Variants in MBD5 observed in about 807,000 individuals in gnomAD.
The protein encoded by MBD5 is methyl-CpG-binding domain protein 5.
In MBD5, 13 loss-of-function variants were observed where a neutral mutation model predicts 117.3. The ratio of observed to expected loss-of-function variants is 0.11; its 90% CI spans 0.07 to 0.18. The LOEUF (loss-of-function observed/expected upper bound fraction) is 0.18, where lower values mean the gene tolerates loss of function less well. MBD5 is among the 10% of genes least tolerant of loss of function. The pLI is 1.00. For missense variants in MBD5, 1,879 were observed against 2,093.8 expected, an observed-to-expected ratio of 0.90 and a Z score of 2.00; for synonymous variants, 727 against 766.4, an observed-to-expected ratio of 0.95 and a Z score of 0.85.
At chr2:148,087,197 A>G (rs916858683) in intron 1 of MBD5, among the ~76,000 whole-genome samples, 1 of 152,200 alleles carries the variant, frequency 6.6e-6, no homozygotes, top group Admixed American at 6.5e-5. Flanking sequence ...AGGCTGCTGC[A>G]AATTCTGTGA....
intron 1 of MBD5, among the ~76,000 whole-genome samples, chr2:148,079,988 G>C (rs1163480910): frequency 6.6e-6 from 1 of 152,152 alleles, no homozygotes; most frequent in Non-Finnish European, 1.5e-5. Flanking sequence ...GATGTTAATA[G>C]ATTCTAATTT....
Position 148,021,617 on chromosome 2 carries a change from C to G in MBD5, c.-992C>G, listed in dbSNP as rs543189912. On this transcript the variant is annotated 5_prime_UTR_variant, in exon 1 of 14. Transcript: ENST00000642680. ...TCGCCTCCTCCTCCTCCACTCCCCC[C>G]CTTTATTACCCTTTGTGTCATCCTC... 1.7e-5 allele frequency: 8 copies of G among 465,400 alleles called. No homozygotes were observed. The highest frequency in any genetic ancestry group is 1.4e-4 in the Admixed American group (6 of 41,706). 28.8% of individuals were successfully genotyped at this position (465,400 alleles called of 1,614,324 possible).
chr2:148,385,926 C>T (rs939950173), intron 4 of MBD5, among the ~76,000 whole-genome samples: 59 of 129,918 alleles, frequency 4.5e-4, no homozygotes, highest in African/African-American at 1.6e-3. Flanking sequence ...CACATGGACA[C>T]GGTAAGGGGA....
intron 1 of MBD5, among the ~76,000 whole-genome samples, chr2:148,166,669 G>A (rs553865936): frequency 6.6e-6 from 1 of 152,178 alleles, no homozygotes; most frequent in East Asian, 1.9e-4. Flanking sequence ...TCACATGAGG[G>A]TACTTCTCCA....
intron 2 of MBD5, among the ~76,000 whole-genome samples, chr2:148,209,616 A>T (rs2106001087): frequency 6.6e-6 from 1 of 152,040 alleles, no homozygotes; most frequent in Non-Finnish European, 1.5e-5. Flanking sequence ...GCATTGCTAT[A>T]ACGGAATAAT....
intron 4 of MBD5, among the ~76,000 whole-genome samples, chr2:148,355,629 A>G (rs901729699): frequency 6.6e-6 from 1 of 151,956 alleles, no homozygotes; most frequent in Non-Finnish European, 1.5e-5. Flanking sequence ...GTTCTGTTCC[A>G]TTGGTCTATA....
intron 4 of MBD5, among the ~76,000 whole-genome samples, chr2:148,450,221 A>G (rs1706687012): frequency 6.6e-6 from 1 of 152,160 alleles, no homozygotes; most frequent in African/African-American, 2.4e-5. Context: ...TATGGTTATA[A>G]TCTCCATTTT....
rs1463500532 is a variant in MBD5, at chr2:148,345,388, T to TAC, written c.-557+3054_-557+3055dup. Among the ~76,000 whole-genome samples, 854 of 137,656 alleles carry TAC rather than the reference T, an allele frequency of 6.2e-3. 9 individuals are homozygous for TAC. Among genetic ancestry groups the TAC allele is most frequent in the Non-Finnish European group, 0.01 (641 of 62,558 alleles). The allele number at this position is 137,656 out of a possible 152,430, so 90.3% of individuals were successfully genotyped here. The stretch of plus-strand genomic sequence containing the variant: ...ATATACATATACACATATACACATA[T>TAC]ACATATACATATATACACATATACA... On this transcript the variant is annotated intron_variant, in intron 4 of 13. Coordinates refer to ENST00000642680, the MANE Select transcript of MBD5 (RefSeq NM_001378120.1).
At position 148,516,222 on chromosome 2, in the gene MBD5, T is replaced by G. The variant is rs1040492861; in HGVS notation, c.*3281T>G. The G allele has an allele frequency of 6.6e-6, 1 of 152,220 alleles. No individual in the cohort carries two copies. Among genetic ancestry groups the G allele is most frequent in the African/African-American group, 2.4e-5 (1 of 41,450 alleles). 9.4% of individuals were successfully genotyped at this position (152,220 alleles called of 1,614,324 possible). A position where few individuals can be genotyped will look rare whatever the true frequency, so the allele number is the denominator to read the frequency against. On this transcript the variant is annotated 3_prime_UTR_variant, in exon 14 of 14. Coordinates refer to ENST00000642680, the MANE Select transcript of MBD5 (RefSeq NM_001378120.1). ...ACCATGATAGCACATTGTTGTTAAC[T>G]TTGGTAATCTTCCATGCAGTTTGCA...
At chr2:148,457,881 G>A (rs1258066284) in intron 4 of MBD5, among the ~76,000 whole-genome samples, 1 of 152,074 alleles carries the variant, frequency 6.6e-6, no homozygotes, top group Non-Finnish European at 1.5e-5. Flanking sequence ...AGAAGTGATG[G>A]ATATATTTTT....
In MBD5 at chr2:148,233,415, T is replaced by C. The variant is rs1012158374; in HGVS notation, c.-680+20T>C. 6.6e-6 allele frequency: 1 copy of C among 152,246 alleles called. No homozygotes were observed. The highest frequency in any genetic ancestry group is 6.5e-5 in the Admixed American group (1 of 15,282). 9.4% of individuals were successfully genotyped at this position (152,246 alleles called of 1,614,324 possible). A position where few individuals can be genotyped will look rare whatever the true frequency, so the allele number is the denominator to read the frequency against. ...TTGGAGGCAAGCAATGAAATATTTCTACTATGAGTTTTCTGTTATTAATCA... is the reference window on the plus strand; with the variant it reads ...TTGGAGGCAAGCAATGAAATATTTCCACTATGAGTTTTCTGTTATTAATCA... On this transcript the variant is annotated intron_variant, in intron 3 of 13. Transcript: ENST00000642680.
intron 4 of MBD5, among the ~76,000 whole-genome samples, chr2:148,385,251 T>C (rs557189558): frequency 6.6e-6 from 1 of 151,866 alleles, no homozygotes; most frequent in Non-Finnish European, 1.5e-5. Flanking sequence ...TACAATGAAC[T>C]CAAACAAATT....
intron 3 of MBD5, among the ~76,000 whole-genome samples, chr2:148,277,974 G>T (rs12472437): frequency 0.94 from 143,590 of 152,270 alleles, 68,236 homozygotes; most frequent in East Asian, 1. Flanking sequence ...CACATTCATT[G>T]AACCACCACC....
At chr2:148,051,571 G>T (rs1694702178) in intron 1 of MBD5, among the ~76,000 whole-genome samples, 1 of 150,620 alleles carries the variant, frequency 6.6e-6, no homozygotes, top group Non-Finnish European at 1.5e-5. Context: ...TGTTCTGTCA[G>T]GCTGAGGAAA....
intron 4 of MBD5, among the ~76,000 whole-genome samples, chr2:148,457,550 T>A (rs1392208113): frequency 6.6e-6 from 1 of 152,038 alleles, no homozygotes; most frequent in African/African-American, 2.4e-5. Flanking sequence ...AGCTAGTATG[T>A]CCTCCTCAAA....
At chr2:148,456,757 A>G (rs1260399916) in intron 4 of MBD5, among the ~76,000 whole-genome samples, 1 of 151,938 alleles carries the variant, frequency 6.6e-6, no homozygotes, top group African/African-American at 2.4e-5. Context: ...AATTTTTGAT[A>G]TTTTCCCCAT....
At position 148,513,169 on chromosome 2, in the gene MBD5, G is replaced by T; in HGVS notation, c.*228G>T. The T allele has an allele frequency of 1.9e-6, 1 of 527,410 alleles. No individual in the cohort carries two copies. Among genetic ancestry groups the T allele is most frequent in the Non-Finnish European group, 3.4e-6 (1 of 295,630 alleles). The allele number at this position is 527,410 out of a possible 1,614,324, so 32.7% of individuals were successfully genotyped here. Reference sequence around the variant, plus strand: ...TCTCTGTGTGATGAGAGTGATCAATGGTCAAGAGATTACTGAGAAACTCTT... The same window carrying T: ...TCTCTGTGTGATGAGAGTGATCAATTGTCAAGAGATTACTGAGAAACTCTT... On this transcript the variant is annotated 3_prime_UTR_variant, in exon 14 of 14. Transcript: ENST00000642680.
chr2:148,148,774 T>C (rs1457640718), intron 1 of MBD5, among the ~76,000 whole-genome samples: 1 of 152,186 alleles, frequency 6.6e-6, no homozygotes, highest in Non-Finnish European at 1.5e-5. Flanking sequence ...ACATTTTCCT[T>C]GTGCACCAGT....
At chr2:148,225,222 TG>T (rs781522805) in intron 2 of MBD5, among the ~76,000 whole-genome samples, 28 of 152,184 alleles carry the variant, frequency 1.8e-4, no homozygotes, top group Non-Finnish European at 3.8e-4. Context: ...TATGTTTTTT[TG>T]GTTTGAGGTT....
Sources: gnomAD v4.1 joint callset for allele counts (sites outside exome capture counted in the v4.1 genomes callset) on GRCh38, gnomAD v4.1.1 for gene constraint, MANE v1.5 for transcripts, NCBI Gene and HGNC (gene_info 2026-07-23, HGNC 2026-07-21) for gene names.